The following FHOD3 variants were observed in gnomAD, a reference collection of about 807,000 sequenced individuals.
The protein encoded by FHOD3 is formin homology 2 domain containing 3, also known as FH1/FH2 domain-containing protein 3.
FHOD3 carries 90 observed loss-of-function variants against 173.0 expected under a neutral mutation model. That is an observed-to-expected ratio of 0.52 (90% CI 0.44 to 0.62). FHOD3 has a LOEUF of 0.62. Ranked by LOEUF, FHOD3 falls within the 20% of genes least tolerant of loss-of-function variation. The probability of loss-of-function intolerance (pLI) is 0.00; values close to 1 mark genes in which losing one functional copy is unlikely to be tolerated. For missense variants in FHOD3, 1,945 were observed against 2,034.7 expected, an observed-to-expected ratio of 0.96 and a Z score of 0.85; for synonymous variants, 828 against 823.0, an observed-to-expected ratio of 1.01 and a Z score of -0.10.
chr18:36,750,965 CT>C (rs1295640547), intron 24 of FHOD3, among the ~76,000 whole-genome samples: 7 of 152,140 alleles, frequency 4.6e-5, no homozygotes, highest in Non-Finnish European at 1.0e-4. Context: ...AATCCAGGCT[CT>C]TTTTTTGTTC....
chr18:36,414,697 C>G lies in FHOD3; in HGVS notation c.337+41953C>G, dbSNP rs538399576. On this transcript the variant is annotated intron_variant, in intron 3 of 28. Coordinates refer to ENST00000590592, the MANE Select transcript of FHOD3 (RefSeq NM_001281740.3). ...CAACAGTGGCGGCAGTAGAAGCCAC[C>G]ATCCCCACTGTTTATTGACCACATT... 3.9e-5 allele frequency among the ~76,000 whole-genome samples: 6 copies of G among 152,306 alleles called. No individual in the cohort carries two copies. In the South Asian group the frequency reaches 1.2e-3, roughly 32 times the overall value.
chr18:36,627,260 G>A (rs1028715974), intron 10 of FHOD3, among the ~76,000 whole-genome samples: 1 of 152,180 alleles, frequency 6.6e-6, no homozygotes, highest in African/African-American at 2.4e-5. Flanking sequence ...AAAAAGGCCT[G>A]TATATAAAGC....
intron 9 of FHOD3, among the ~76,000 whole-genome samples, chr18:36,614,120 C>T (rs572083447): frequency 4.6e-5 from 7 of 152,132 alleles, no homozygotes; most frequent in African/African-American, 9.7e-5. Context: ...TTGCTTTTGT[C>T]ACTCCCAAAA....
chr18:36,310,096 A>T (rs1194597202), intron 1 of FHOD3, among the ~76,000 whole-genome samples: 1 of 152,226 alleles, frequency 6.6e-6, no homozygotes, highest in Non-Finnish European at 1.5e-5. Context: ...ATGTGTGTTG[A>T]CACCCAAAGA....
At chr18:36,770,628 A>G (rs1194264134) in intron 28 of FHOD3, among the ~76,000 whole-genome samples, 1 of 152,158 alleles carries the variant, frequency 6.6e-6, no homozygotes, top group East Asian at 1.9e-4. Context: ...ATTCAGTAAG[A>G]TGGGTGGACT....
rs566613565 is a variant in FHOD3, at chr18:36,779,409, T to G, written c.4787-39T>G. ...GCCTTGCTGCTCATACTTCCTTTTC[T>G]TCTCATCCCTTTGGGTGTGACCTGC... On this transcript the variant is annotated intron_variant, in intron 28 of 28. Transcript: ENST00000590592. The G allele has an allele frequency of 6.6e-5, 105 of 1,601,054 alleles. No individual in the cohort carries two copies. The South Asian group carries it at 1.1e-3, about 16-fold the overall frequency.
In FHOD3 at chr18:36,718,484, C is replaced by A; in HGVS notation, c.3186C>A (p.Asn1062Lys). 6.2e-7 allele frequency: 1 copy of A among 1,605,586 alleles called. No individual in the cohort carries two copies. The change falls in exon 19 of 29, where the codon AAC (asparagine) becomes AAA (lysine). Residue 1062 changes from asparagine to lysine, a missense_variant. Asn to Lys is a moderately conservative substitution (Grantham distance 94). This residue lies in a region of FHOD3 where 1,099 missense variants were observed against 1,051.2 expected (regional missense o/e 1.05). Transcript: ENST00000590592. The stretch of plus-strand genomic sequence containing the variant: ...TGGTTCCTCCTCCTCCAGTGTTCAA[C>A]GCTCCTCAGGGCTTAGGGTGGTCCC... ...NLLVPPPPVFNAPQGLGWSQV... is the reference protein window; with the variant it reads ...NLLVPPPPVFKAPQGLGWSQV...
chr18:36,618,476 C>A (rs746808124), intron 9 of FHOD3, among the ~76,000 whole-genome samples: 4 of 151,902 alleles, frequency 2.6e-5, no homozygotes, highest in Non-Finnish European at 5.9e-5. Context: ...CCATGCCTGG[C>A]TAATTTTGTA....
chr18:36,652,999 C>A, intron 12 of FHOD3, 70 bp downstream of exon 12: 6 of 1,452,648 alleles, frequency 4.1e-6, no homozygotes, highest in Non-Finnish European at 2.7e-6. Context: ...TTAACTGCAC[C>A]CCTTGGCTTG....
chr18:36,753,059 C>T lies in FHOD3; in HGVS notation c.4233-2060C>T, dbSNP rs562935017. Among the ~76,000 whole-genome samples the T allele has an allele frequency of 1.8e-4, 28 of 152,102 alleles. No individual in the cohort carries two copies. In the South Asian group the frequency reaches 4.8e-3, roughly 26 times the overall value. ...CACAGGGTGGTCATGGAAGGCTTCT[C>T]GGAGGAGGTGGTATTTTGGGCAGAG... On this transcript the variant is annotated intron_variant, in intron 24 of 28. Coordinates refer to ENST00000590592, the MANE Select transcript of FHOD3 (RefSeq NM_001281740.3).
chr18:36,470,505 AGTTCTCCCTAAT>A (rs1257452013), intron 3 of FHOD3, among the ~76,000 whole-genome samples: 6 of 152,242 alleles, frequency 3.9e-5, no homozygotes, highest in African/African-American at 1.4e-4. Flanking sequence ...GATACACCAG[AGTTCTCCCTAAT>A]AGGACTTTCT....
chr18:36,404,478 CT>C (rs1273990277), intron 3 of FHOD3, among the ~76,000 whole-genome samples: 2 of 152,192 alleles, frequency 1.3e-5, no homozygotes, highest in Admixed American at 6.5e-5. Flanking sequence ...CAAGTTGTTG[CT>C]ATTGTAGAAT....
intron 3 of FHOD3, among the ~76,000 whole-genome samples, chr18:36,440,684 A>G (rs1357176900): frequency 6.6e-6 from 1 of 152,238 alleles, no homozygotes; most frequent in Non-Finnish European, 1.5e-5. Flanking sequence ...AATGAACCTA[A>G]GCACCTTTAT....
chr18:36,564,164 CA>C (rs1182488696), intron 5 of FHOD3, among the ~76,000 whole-genome samples: 1 of 152,136 alleles, frequency 6.6e-6, no homozygotes, highest in Non-Finnish European at 1.5e-5. Context: ...CTGCAGAGTC[CA>C]TTTCTGGTTC....
At chr18:36,537,240 C>A (rs908921632) in intron 5 of FHOD3, among the ~76,000 whole-genome samples, 1 of 152,214 alleles carries the variant, frequency 6.6e-6, no homozygotes, top group African/African-American at 2.4e-5. Flanking sequence ...TTGCAGACAT[C>A]CTGTCACTCT....
chr18:36,433,200 G>A (rs2147278026), intron 3 of FHOD3, among the ~76,000 whole-genome samples: 1 of 152,294 alleles, frequency 6.6e-6, no homozygotes, highest in African/African-American at 2.4e-5. Context: ...TCACAATGAT[G>A]ATATCTCATC....
chr18:36,702,268 T>A (rs1175589526), intron 17 of FHOD3, among the ~76,000 whole-genome samples: 1 of 152,118 alleles, frequency 6.6e-6, no homozygotes, highest in Non-Finnish European at 1.5e-5. Flanking sequence ...CTGCTAAACA[T>A]CCTGCAGCTC....
intron 6 of FHOD3, among the ~76,000 whole-genome samples, chr18:36,579,975 G>A (rs1341706162): frequency 6.6e-6 from 1 of 152,042 alleles, no homozygotes; most frequent in Admixed American, 6.6e-5. Flanking sequence ...AGAAATGCAT[G>A]CCATGGCTCA....
intron 14 of FHOD3, among the ~76,000 whole-genome samples, chr18:36,679,195 G>A (rs1473626077): frequency 6.6e-6 from 1 of 151,876 alleles, no homozygotes; most frequent in Non-Finnish European, 1.5e-5. Context: ...TTTTTCAAGT[G>A]TATTATAAAA....
Sources: allele counts gnomAD v4.1 joint callset (sites outside exome capture counted in the v4.1 genomes callset), GRCh38; gene constraint gnomAD v4.1.1; regional missense constraint gnomAD v4.1.1; transcripts MANE v1.5; gene names NCBI Gene and HGNC (gene_info 2026-07-23, HGNC 2026-07-21).